HS6ST3: variants seen among roughly 807,000 people sequenced by gnomAD.
HS6ST3 encodes heparan-sulfate 6-O-sulfotransferase 3.
A neutral mutation model predicts 36.7 loss-of-function variants in HS6ST3; 12 were observed. The observed-to-expected ratio is 0.33, with a 90% confidence interval of 0.21 to 0.53. HS6ST3 has a LOEUF of 0.53. Among genes scored for constraint, HS6ST3 ranks in the 20% least tolerant of loss-of-function variants. HS6ST3 has a pLI of 0.95. For missense variants in HS6ST3, 584 were observed against 640.9 expected (o/e 0.91, Z 0.96); for synonymous variants, 240 against 257.5 (o/e 0.93, Z 0.65).
chr13:96,340,276 A>G (rs2055123564), intron 1 of HS6ST3, among the ~76,000 whole-genome samples: 1 of 152,188 alleles, frequency 6.6e-6, no homozygotes, highest in Admixed American at 6.5e-5. Flanking sequence ...AACACAATCC[A>G]AAGGACACCT....
chr13:96,160,501 T>G (rs564702548), intron 1 of HS6ST3, among the ~76,000 whole-genome samples: 1 of 152,306 alleles, frequency 6.6e-6, no homozygotes, highest in African/African-American at 2.4e-5. Flanking sequence ...GTTCTTATAT[T>G]CCTGACCATG....
At chr13:96,639,699 T>C (rs2056563285) in intron 1 of HS6ST3, among the ~76,000 whole-genome samples, 1 of 151,946 alleles carries the variant, frequency 6.6e-6, no homozygotes, top group African/African-American at 2.4e-5. Context: ...TTCCTCCCCT[T>C]CTACCCTCCC....
chr13:96,200,648 T>G (rs1320566700), intron 1 of HS6ST3, among the ~76,000 whole-genome samples: 7 of 152,194 alleles, frequency 4.6e-5, no homozygotes, highest in Non-Finnish European at 1.0e-4. Context: ...TTGTTATATC[T>G]GTTGCTTTTG....
chr13:96,545,036 G>A (rs565568359), intron 1 of HS6ST3, among the ~76,000 whole-genome samples: 8 of 152,180 alleles, frequency 5.3e-5, no homozygotes, highest in East Asian at 1.9e-4. Context: ...TAGAAAATGC[G>A]CTCCTTGCCT....
intron 1 of HS6ST3, among the ~76,000 whole-genome samples, chr13:96,400,568 G>T (rs2055446183): frequency 6.6e-6 from 1 of 152,156 alleles, no homozygotes; most frequent in South Asian, 2.1e-4. Context: ...GCACTGGGGA[G>T]TTGGTAATGG....
intron 1 of HS6ST3, among the ~76,000 whole-genome samples, chr13:96,242,978 C>T (rs2054568412): frequency 6.6e-6 from 1 of 152,134 alleles, no homozygotes; most frequent in Admixed American, 6.5e-5. Flanking sequence ...GTGGTATACA[C>T]ATACCATGTA....
intron 1 of HS6ST3, among the ~76,000 whole-genome samples, chr13:96,544,970 C>T (rs2138944672): frequency 6.6e-6 from 1 of 152,158 alleles, no homozygotes; most frequent in Middle Eastern, 3.4e-3. Context: ...TAAAGAAGCT[C>T]CTTTCAAAAT....
intron 1 of HS6ST3, among the ~76,000 whole-genome samples, chr13:96,474,603 T>G (rs941279309): frequency 6.6e-6 from 1 of 151,198 alleles, no homozygotes; most frequent in Admixed American, 6.6e-5. Context: ...AATAAGAGTT[T>G]AATGTAATAC....
rs772651064 is a variant in HS6ST3 at position 96,833,186 on chromosome 13, G to A, written c.1404G>A (p.Val468=). 2.6e-6 allele frequency: 4 copies of A among 1,559,396 alleles called. No individual in the cohort carries two copies. Among genetic ancestry groups the A allele is most frequent in the Non-Finnish European group, 3.4e-6 (4 of 1,160,666 alleles). The change falls in exon 2 of 2, where the codon GTG becomes GTA. Residue 468 remains valine, a synonymous_variant. Coordinates refer to ENST00000376705, the MANE Select transcript of HS6ST3 (RefSeq NM_153456.4). ...TCACCGAGGACTACAACAGCCAGGTGGTGAGATGGTGACCTCCTGCCCTCT... is the reference window on the plus strand; with the variant it reads ...TCACCGAGGACTACAACAGCCAGGTAGTGAGATGGTGACCTCCTGCCCTCT... ...GTVTEDYNSQ[V]VRW
At chr13:96,145,417 T>G (rs2054052716) in intron 1 of HS6ST3, among the ~76,000 whole-genome samples, 2 of 152,112 alleles carry the variant, frequency 1.3e-5, no homozygotes, top group South Asian at 4.1e-4. Context: ...ATGATGAGCA[T>G]TTTTTCATGT....
chr13:96,278,459 C>T (rs772683885), intron 1 of HS6ST3, among the ~76,000 whole-genome samples: 10 of 152,048 alleles, frequency 6.6e-5, no homozygotes, highest in Non-Finnish European at 8.8e-5. Flanking sequence ...GATTGGCACT[C>T]GGTAAGTGGC....
intron 1 of HS6ST3, among the ~76,000 whole-genome samples, chr13:96,280,321 C>T (rs1353337354): frequency 1.3e-5 from 2 of 151,954 alleles, no homozygotes; most frequent in African/African-American, 2.4e-5. Flanking sequence ...GCCAATGAAA[C>T]CTTCTTTTTT....
intron 1 of HS6ST3, among the ~76,000 whole-genome samples, chr13:96,094,174 A>C (rs1451798107): frequency 6.6e-6 from 1 of 152,110 alleles, no homozygotes; most frequent in Admixed American, 6.5e-5. Context: ...CAGTTTCTTC[A>C]CTTTTAAAGT....
chr13:96,673,812 T>C (rs957258544), intron 1 of HS6ST3, among the ~76,000 whole-genome samples: 1 of 152,188 alleles, frequency 6.6e-6, no homozygotes, highest in African/African-American at 2.4e-5. Context: ...CAATTCTTGT[T>C]TCACGACCAC....
intron 1 of HS6ST3, among the ~76,000 whole-genome samples, chr13:96,241,343 A>G (rs2054558766): frequency 6.6e-6 from 1 of 152,196 alleles, no homozygotes; most frequent in Non-Finnish European, 1.5e-5. Context: ...CACTTACATA[A>G]AAATGAAAAA....
intron 1 of HS6ST3, among the ~76,000 whole-genome samples, chr13:96,335,568 G>C (rs1206824773): frequency 6.6e-6 from 1 of 152,152 alleles, no homozygotes; most frequent in Non-Finnish European, 1.5e-5. Flanking sequence ...ATGTCTTTTA[G>C]CTATAGCTGG....
chr13:96,616,908 A>C (rs1371853542), intron 1 of HS6ST3, among the ~76,000 whole-genome samples: 2 of 152,240 alleles, frequency 1.3e-5, no homozygotes, highest in Non-Finnish European at 2.9e-5. Flanking sequence ...GGACACAAAC[A>C]CACAAGATGC....
intron 1 of HS6ST3, chr13:96,573,847 T>A (rs954765800): frequency 1.2e-5 from 5 of 434,580 alleles, no homozygotes; most frequent in Non-Finnish European, 2.2e-5. Context: ...AGTGCTCCCA[T>A]CACACGAATG....
At chr13:96,757,317 G>A (rs1415355182) in intron 1 of HS6ST3, among the ~76,000 whole-genome samples, 1 of 152,142 alleles carries the variant, frequency 6.6e-6, no homozygotes, top group African/African-American at 2.4e-5. Flanking sequence ...AATTACATAA[G>A]GATGTGAACA....
Sources: gnomAD v4.1 joint callset for allele counts (sites outside exome capture counted in the v4.1 genomes callset) on GRCh38, gnomAD v4.1.1 for gene constraint, MANE v1.5 for transcripts, NCBI Gene and HGNC (gene_info 2026-07-23, HGNC 2026-07-21) for gene names.